DNAH7: variants seen among roughly 807,000 people sequenced by gnomAD.
DNAH7 encodes axonemal beta dynein heavy chain 7.
DNAH7 carries 397 observed loss-of-function variants against 444.6 expected under a neutral mutation model. That is an observed-to-expected ratio of 0.89 (90% CI 0.82 to 0.97). The LOEUF is 0.97. DNAH7 is among the 50% of genes least tolerant of loss of function. DNAH7 has a pLI of 0.00. For missense variants in DNAH7, 4,902 were observed against 4,800.8 expected, an observed-to-expected ratio of 1.02 and a Z score of -0.62; for synonymous variants, 1,636 against 1,624.4, an observed-to-expected ratio of 1.01 and a Z score of -0.17.
At chr2:195,810,350 T>C (rs992242569) in intron 51 of DNAH7, among the ~76,000 whole-genome samples, 14 of 152,218 alleles carry the variant, frequency 9.2e-5, no homozygotes, top group Non-Finnish European at 1.8e-4. Context: ...GCAAACTCCA[T>C]TTTTATTTGC....
intron 49 of DNAH7, among the ~76,000 whole-genome samples, chr2:195,820,836 A>C (rs1697434587): frequency 1.3e-5 from 2 of 152,246 alleles, no homozygotes; most frequent in Admixed American, 6.5e-5. Flanking sequence ...AACTACCTAC[A>C]TGTAGCAGAT....
At position 195,959,564 on chromosome 2, in the gene DNAH7, C is replaced by T. The variant is rs997304589; in HGVS notation, c.2891+696G>A. On this transcript the variant is annotated intron_variant, in intron 18 of 64. Transcript: ENST00000312428. ...AAGTGTACGATAACACCTAAGTCAC[C>T]AGAGGCAGATACTACCAAGCTGTTA... Among the ~76,000 whole-genome samples the T allele has an allele frequency of 4.6e-5, 7 of 152,176 alleles. No homozygotes were observed. In the South Asian group the frequency reaches 1.2e-3, roughly 27 times the overall value.
intron 60 of DNAH7, among the ~76,000 whole-genome samples, chr2:195,774,069 G>A (rs941239420): frequency 5.9e-5 from 9 of 152,136 alleles, no homozygotes; most frequent in African/African-American, 1.9e-4. Flanking sequence ...ATTGAAAGAG[G>A]CTGTTTAATT....
At chr2:195,943,840 T>C (rs1244559863) in intron 19 of DNAH7, among the ~76,000 whole-genome samples, 1 of 152,184 alleles carries the variant, frequency 6.6e-6, no homozygotes, top group African/African-American at 2.4e-5. Context: ...GTGCACATAG[T>C]GGCATATGCC....
chr2:195,861,885 G>C lies in DNAH7; in HGVS notation c.7568C>G (p.Ser2523Ter), dbSNP rs1049204026. ...ASRFLEEIEMSEEIRDGCIDM... is the reference protein window; with the variant it reads ...ASRFLEEIEM ...GATACAGCCATCTCGTATTTCCTCT[G>C]ACATTTCAATTTCTTCCAAGAATCG... The change falls in exon 42 of 65, where the codon TCA becomes TGA. Residue 2523 changes from serine to a stop codon, truncating the protein, a stop_gained. Transcript: ENST00000312428. LOFTEE classifies it high-confidence loss of function. 1.2e-6 allele frequency: 2 copies of C among 1,613,928 alleles called. No homozygotes were observed. The highest frequency in any genetic ancestry group is 1.7e-6 in the Non-Finnish European group (2 of 1,179,890).
intron 15 of DNAH7, among the ~76,000 whole-genome samples, chr2:195,982,014 A>T (rs1042246872): frequency 1.3e-5 from 2 of 152,222 alleles, no homozygotes; most frequent in Non-Finnish European, 2.9e-5. Flanking sequence ...AACGATCAAC[A>T]ACATGAAGAG....
intron 47 of DNAH7, among the ~76,000 whole-genome samples, chr2:195,840,282 A>T (rs1698606604): frequency 6.6e-6 from 1 of 151,818 alleles, no homozygotes; most frequent in African/African-American, 2.4e-5. Context: ...TAGACGCAGA[A>T]AAAACATTTC....
rs188070858 is a variant in DNAH7 at position 195,873,115 on chromosome 2, A to T, written c.6413+453T>A. Among the ~76,000 whole-genome samples the T allele has an allele frequency of 6.6e-5, 10 of 152,322 alleles. No individual in the cohort carries two copies. The East Asian group carries it at 1.5e-3, about 23-fold the overall frequency. On this transcript the variant is annotated intron_variant, in intron 39 of 64. Transcript: ENST00000312428. ...GAATGACAATTTCTTGAGAATGGGCATGGGCACACAGACAGACTTCCCCTG... is the reference window on the plus strand; with the variant it reads ...GAATGACAATTTCTTGAGAATGGGCTTGGGCACACAGACAGACTTCCCCTG...
In DNAH7 at chr2:195,834,341, G is replaced by C; in HGVS notation, c.8965C>G (p.Leu2989Val). The C allele has an allele frequency of 6.3e-7, 1 of 1,596,772 alleles. No individual in the cohort carries two copies. The highest frequency in any genetic ancestry group is 8.6e-7 in the Non-Finnish European group (1 of 1,166,976). The change falls in exon 48 of 65, where the codon CTG (leucine) becomes GTG (valine). Residue 2989 changes from leucine to valine, a missense_variant. Leu to Val is a conservative substitution (Grantham distance 32). Transcript: ENST00000312428. ...GCCTGACTTTGAGGATCTATCATCA[G>C]AGGCCACCTTCTTGCATTCCTGAAA... is the stretch of plus-strand genomic sequence containing the variant. ...IIIMNARRWP[L>V]MIDPQSQANK...
At chr2:195,740,209 T>C (rs1692914939) in intron 64 of DNAH7, among the ~76,000 whole-genome samples, 1 of 152,082 alleles carries the variant, frequency 6.6e-6, no homozygotes, top group African/African-American at 2.4e-5. Flanking sequence ...GGTCTCAAAC[T>C]CCCGACCTCA....
intron 12 of DNAH7, among the ~76,000 whole-genome samples, chr2:195,989,901 A>G (rs1450198990): frequency 2.6e-5 from 4 of 152,208 alleles, no homozygotes; most frequent in Non-Finnish European, 5.9e-5. Context: ...TGCTTACTGT[A>G]CAGCTTGCAG....
At chr2:195,753,032 T>C (rs148282303) in intron 63 of DNAH7, among the ~76,000 whole-genome samples, 2 of 152,278 alleles carry the variant, frequency 1.3e-5, no homozygotes, top group East Asian at 3.9e-4. Flanking sequence ...TGAGAGATTC[T>C]AGAGCATGTT....
intron 59 of DNAH7, among the ~76,000 whole-genome samples, chr2:195,777,026 T>A (rs1695095579): frequency 6.6e-6 from 1 of 152,190 alleles, no homozygotes; most frequent in Admixed American, 6.5e-5. Flanking sequence ...TTGGGAGTGA[T>A]TTTTCCCTTT....
intron 24 of DNAH7, among the ~76,000 whole-genome samples, chr2:195,918,084 TAAC>T (rs1328807794): frequency 3.9e-5 from 6 of 152,044 alleles, no homozygotes; most frequent in Non-Finnish European, 7.4e-5. Context: ...ACTTAAAACT[TAAC>T]AAAAGAAAAA....
chr2:195,934,551 C>G, intron 21 of DNAH7, 40 bp downstream of exon 21: 1 of 1,577,872 alleles, frequency 6.3e-7, no homozygotes, highest in Non-Finnish European at 8.7e-7. Context: ...CATTCATATT[C>G]TAGCATCCTT....
intron 12 of DNAH7, among the ~76,000 whole-genome samples, chr2:195,991,099 T>C (rs1693310443): frequency 6.6e-6 from 1 of 151,438 alleles, no homozygotes; most frequent in African/African-American, 2.4e-5. Context: ...CTGTAACAAA[T>C]CTATTTACAA....
intron 1 of DNAH7, among the ~76,000 whole-genome samples, chr2:196,060,957 G>A (rs1363837326): frequency 2.0e-5 from 3 of 151,850 alleles, no homozygotes; most frequent in Admixed American, 1.3e-4. Flanking sequence ...ATTTTTTAAA[G>A]TTCATTTTTA....
At position 195,900,430 on chromosome 2, in the gene DNAH7, T is replaced by C. The variant is rs540612076; in HGVS notation, c.4400A>G (p.Tyr1467Cys). ...DYAMIAEIVL[Y>C]SCGFVTARPL... The stretch of plus-strand genomic sequence containing the variant: ...TCGAGCAGTGACAAACCCACAGGAG[T>C]ATAGGACTATTTCAGCAATCATGGC... Residue 1467 changes from tyrosine to cysteine, a missense_variant, in exon 28 of 65, where the codon TAC becomes TGC. Tyr to Cys is a radical substitution (Grantham distance 194). Transcript: ENST00000312428. 6.2e-7 allele frequency: 1 copy of C among 1,613,886 alleles called. No homozygotes were observed. The highest frequency in any genetic ancestry group is 1.1e-5 in the South Asian group (1 of 91,084).
chr2:195,793,191 C>T (rs1453300816), intron 57 of DNAH7, among the ~76,000 whole-genome samples: 4 of 152,206 alleles, frequency 2.6e-5, no homozygotes, highest in African/African-American at 9.7e-5. Context: ...CTTGCCTCAG[C>T]CTCCCAAGGC....
Sources: gnomAD v4.1 joint callset for allele counts (sites outside exome capture counted in the v4.1 genomes callset) on GRCh38, gnomAD v4.1.1 for gene constraint, MANE v1.5 for transcripts, NCBI Gene and HGNC (gene_info 2026-07-23, HGNC 2026-07-21) for gene names.